The following MYO16 variants were observed in gnomAD, a reference collection of about 807,000 sequenced individuals.
MYO16 encodes the protein unconventional myosin-XVI.
In MYO16, 94 loss-of-function variants were observed where a neutral mutation model predicts 205.3. The observed-to-expected ratio is 0.46, with a 90% CI of 0.39 to 0.54. The LOEUF (loss-of-function observed/expected upper bound fraction) is 0.54, where lower values mean the gene tolerates loss of function less well. Ranked by LOEUF, MYO16 falls within the 20% of genes least tolerant of loss-of-function variation. The probability of loss-of-function intolerance (pLI) is 0.00; values close to 1 mark genes in which losing one functional copy is unlikely to be tolerated. For missense variants in MYO16, 2,315 were observed against 2,387.5 expected, an observed-to-expected ratio of 0.97 and a Z score of 0.63; for synonymous variants, 988 against 954.0, an observed-to-expected ratio of 1.04 and a Z score of -0.66.
the MYO16 span, among the ~76,000 whole-genome samples, chr13:108,565,587 T>G: frequency 6.6e-6 from 1 of 152,156 alleles, no homozygotes; most frequent in African/African-American, 2.4e-5. Context: ...ATGGAGTTCT[T>G]TAGGTGTTTT....
chr13:109,167,761 T>C (rs1878746328), intron 33 of MYO16, among the ~76,000 whole-genome samples: 2 of 152,164 alleles, frequency 1.3e-5, no homozygotes, highest in Non-Finnish European at 2.9e-5. Context: ...AAATATGTAC[T>C]ATCTTCGAAA....
chr13:109,095,320 A>G (rs1888744433), intron 27 of MYO16, among the ~76,000 whole-genome samples: 1 of 151,986 alleles, frequency 6.6e-6, no homozygotes, highest in East Asian at 1.9e-4. Flanking sequence ...GTCCCTCTCC[A>G]GTTGCTCCTG....
the MYO16 span, among the ~76,000 whole-genome samples, chr13:108,516,777 A>G: frequency 6.6e-6 from 1 of 152,162 alleles, no homozygotes; most frequent in Non-Finnish European, 1.5e-5. Context: ...TTATGTGAAT[A>G]GAATTATTCA....
chr13:108,845,699 A>G (rs1877482978), intron 10 of MYO16, among the ~76,000 whole-genome samples: 1 of 152,180 alleles, frequency 6.6e-6, no homozygotes, highest in Admixed American at 6.5e-5. Context: ...ATCAAAGGTT[A>G]GGTAAAATTT....
At chr13:109,150,471 A>T (rs1877595696) in intron 32 of MYO16, among the ~76,000 whole-genome samples, 1 of 152,228 alleles carries the variant, frequency 6.6e-6, no homozygotes. Context: ...TATTTAGATC[A>T]ATCTGATCAA....
intron 23 of MYO16, among the ~76,000 whole-genome samples, chr13:109,041,686 GAAATT>G (rs1275086811): frequency 6.6e-6 from 1 of 152,056 alleles, no homozygotes; most frequent in African/African-American, 2.4e-5. Context: ...ACTATTGAAA[GAAATT>G]AAGTAAAGAG....
At chr13:108,810,101 A>T (rs932057218) in intron 7 of MYO16, among the ~76,000 whole-genome samples, 1 of 152,204 alleles carries the variant, frequency 6.6e-6, no homozygotes, top group African/African-American at 2.4e-5. Flanking sequence ...GCCATTTACA[A>T]TGTGCAGATG....
chr13:109,177,023 G>A (rs12100166), intron 33 of MYO16, among the ~76,000 whole-genome samples: 3,730 of 152,328 alleles, frequency 0.024, 150 homozygotes, highest in African/African-American at 0.084. Context: ...TCTCCAAAGT[G>A]TGGTCACATT....
intron 12 of MYO16, among the ~76,000 whole-genome samples, chr13:108,872,554 A>G (rs1016991369): frequency 3.9e-5 from 6 of 151,938 alleles, no homozygotes; most frequent in African/African-American, 9.7e-5. Context: ...ATAAGATACA[A>G]TACATTGAGA....
chr13:109,166,710 C>G (rs922941319), intron 33 of MYO16: 3 of 152,214 alleles, frequency 2.0e-5, no homozygotes, highest in Non-Finnish European at 4.4e-5. Flanking sequence ...CACACAAACA[C>G]CTGTATGCAA....
intron 20 of MYO16, among the ~76,000 whole-genome samples, chr13:108,967,963 T>C (rs1255985922): frequency 3.3e-5 from 5 of 152,214 alleles, no homozygotes; most frequent in African/African-American, 7.2e-5. Flanking sequence ...TTCTGAGGCA[T>C]TTCTTTTTCT....
chr13:108,995,109 G>A (rs575062597), intron 21 of MYO16, among the ~76,000 whole-genome samples: 3 of 152,166 alleles, frequency 2.0e-5, no homozygotes, highest in Non-Finnish European at 4.4e-5. Flanking sequence ...TACCTTAGAG[G>A]AGGTAATTGA....
intron 23 of MYO16, among the ~76,000 whole-genome samples, chr13:109,044,059 A>G (rs1886964293): frequency 6.6e-6 from 1 of 152,204 alleles, no homozygotes; most frequent in Non-Finnish European, 1.5e-5. Flanking sequence ...TTTGTGGCAG[A>G]TGCAAATGAT....
intron 17 of MYO16, 55 bp downstream of exon 17, chr13:108,957,854 A>G (rs1158936589): frequency 1.4e-5 from 19 of 1,356,092 alleles, no homozygotes; most frequent in Non-Finnish European, 1.7e-5. Flanking sequence ...CTAATTTATA[A>G]AAGTTATTCA....
chr13:108,919,019 A>G (rs577306103), intron 16 of MYO16, among the ~76,000 whole-genome samples: 8 of 152,044 alleles, frequency 5.3e-5, no homozygotes, highest in African/African-American at 1.4e-4. Context: ...CCTGAGGCCA[A>G]TGTCCAGATA....
intron 2 of MYO16, among the ~76,000 whole-genome samples, chr13:108,684,439 T>C (rs749499288): frequency 6.6e-6 from 1 of 152,238 alleles, no homozygotes; most frequent in Non-Finnish European, 1.5e-5. Context: ...TAGAACAAGA[T>C]ATATATCTCT....
At chr13:109,068,487 G>A (rs573577842) in intron 27 of MYO16, among the ~76,000 whole-genome samples, 25 of 144,582 alleles carry the variant, frequency 1.7e-4, no homozygotes, top group Non-Finnish European at 2.7e-4. Flanking sequence ...ATGGCTATAC[G>A]CCTGGGGTGA....
intron 5 of MYO16, among the ~76,000 whole-genome samples, chr13:108,791,453 A>G (rs1886612975): frequency 6.6e-6 from 1 of 152,242 alleles, no homozygotes; most frequent in Admixed American, 6.5e-5. Flanking sequence ...AAAGCTAAAT[A>G]CATATTATAT....
intron 4 of MYO16, among the ~76,000 whole-genome samples, chr13:108,748,803 T>C (rs977910032): frequency 3.3e-5 from 5 of 152,176 alleles, no homozygotes; most frequent in Non-Finnish European, 7.4e-5. Context: ...AAACACATCT[T>C]AAACCTTTCA....
Sources: gnomAD v4.1 joint callset for allele counts (sites outside exome capture counted in the v4.1 genomes callset) on GRCh38, gnomAD v4.1.1 for gene constraint, MANE v1.5 for transcripts, NCBI Gene and HGNC (gene_info 2026-07-23, HGNC 2026-07-21) for gene names.